Variants in NRG2 observed in about 807,000 individuals in gnomAD.
The protein encoded by NRG2 is pro-neuregulin-2, membrane-bound isoform.
NRG2 carries 27 observed loss-of-function variants against 73.9 expected under a neutral mutation model. The ratio of observed to expected loss-of-function variants is 0.37; its 90% confidence interval spans 0.27 to 0.50. The LOEUF (loss-of-function observed/expected upper bound fraction) is 0.50, where lower values mean the gene tolerates loss of function less well. Ranked by LOEUF, NRG2 falls within the 20% of genes least tolerant of loss-of-function variation. The pLI is 0.96. For synonymous variants in NRG2, 532 were observed against 541.0 expected (o/e 0.98, Z 0.23); for missense variants, 1,126 against 1,210.1 (o/e 0.93, Z 1.03).
chr5:139,986,589 A>G (rs1173415460), intron 1 of NRG2, among the ~76,000 whole-genome samples: 2 of 152,020 alleles, frequency 1.3e-5, no homozygotes, highest in African/African-American at 4.8e-5. Flanking sequence ...GACCATCTCA[A>G]CTGCACACCT....
rs10040473 is a variant in NRG2, at chr5:139,915,830, T to C, written c.701-28319A>G. Among the ~76,000 whole-genome samples, 1 of 152,298 alleles carries C rather than the reference T, an allele frequency of 6.6e-6. No individual in the cohort carries two copies. Among genetic ancestry groups the C allele is most frequent in the Middle Eastern group, 3.4e-3 (1 of 294 alleles). On this transcript the variant is annotated intron_variant, in intron 1 of 9. Coordinates refer to ENST00000361474, the MANE Select transcript of NRG2 (RefSeq NM_004883.3). This position sits in a 1 kb window ranked among gnomAD's most constrained non-coding sequence, Gnocchi z 4.0. ...GTACAGGAGATGCTTTCCTGGAATA[T>C]GGGACAGCCTGGCAATGACACTGAG...
intron 1 of NRG2, among the ~76,000 whole-genome samples, chr5:139,958,074 C>A (rs1284423754): frequency 1.3e-5 from 2 of 152,070 alleles, no homozygotes; most frequent in Non-Finnish European, 2.9e-5. Context: ...GGGACAAGGA[C>A]CCCAAATATA....
intron 1 of NRG2, among the ~76,000 whole-genome samples, chr5:139,907,418 C>T (rs1765303424): frequency 6.6e-6 from 1 of 152,102 alleles, no homozygotes; most frequent in South Asian, 2.1e-4. Flanking sequence ...CAGTAAAAGC[C>T]CCTTTGGGAT....
chr5:139,904,201 G>A lies in NRG2; in HGVS notation c.701-16690C>T, dbSNP rs1389294477. 4.3e-6 allele frequency: 5 copies of A among 1,173,768 alleles called. No homozygotes were observed. The Admixed American group carries it at 1.5e-4, about 36-fold the overall frequency. 72.7% of individuals were successfully genotyped at this position (1,173,768 alleles called of 1,614,324 possible). Reference sequence around the variant, plus strand: ...GCCCTCGGTGCCTGTCACCGCGGCGGCCGCTAGCGCAGCCTAGACTCACCC... The same window carrying A: ...GCCCTCGGTGCCTGTCACCGCGGCGACCGCTAGCGCAGCCTAGACTCACCC... On this transcript the variant is annotated intron_variant, in intron 1 of 9. Coordinates refer to ENST00000361474, the MANE Select transcript of NRG2 (RefSeq NM_004883.3). This position sits in a 1 kb window ranked among gnomAD's most constrained non-coding sequence, Gnocchi z 6.0.
At chr5:139,876,929 G>C (rs1435945628) in intron 3 of NRG2, among the ~76,000 whole-genome samples, 3 of 103,898 alleles carry the variant, frequency 2.9e-5, no homozygotes, top group East Asian at 5.1e-4. Context: ...GTGCATCTGT[G>C]TGTGTGTGTG....
At chr5:139,907,913 C>T (rs1309783245) in intron 1 of NRG2, among the ~76,000 whole-genome samples, 6 of 152,240 alleles carry the variant, frequency 3.9e-5, no homozygotes, top group Admixed American at 1.3e-4. Flanking sequence ...AAAACACTTA[C>T]GGGACACGTA....
chr5:140,003,027 G>A (rs1353546110), intron 1 of NRG2, among the ~76,000 whole-genome samples: 2 of 152,164 alleles, frequency 1.3e-5, no homozygotes, highest in African/African-American at 2.4e-5. Flanking sequence ...AAGATTACAA[G>A]AGACATCCAG....
Position 139,848,294 on chromosome 5 carries a change from G to C in NRG2, c.2176C>G (p.Arg726Gly). The change falls in exon 10 of 10, where the codon CGG (arginine) becomes GGG (glycine). Residue 726 changes from arginine (R) to glycine (G), a missense_variant. Arg to Gly is a moderately radical substitution (Grantham distance 125). This residue lies in a region of NRG2 where 402 missense variants were observed against 357.8 expected (regional missense o/e 1.12). Transcript: ENST00000361474. ...TQECAPPPPP[R>G]PRARGASRRT... ...CGGGACGCACCGCGCGCGCGCGGCCGCGGCGGCGGCGGGGGCGCGCACTCC... is the reference window on the plus strand; with the variant it reads ...CGGGACGCACCGCGCGCGCGCGGCCCCGGCGGCGGCGGGGGCGCGCACTCC... The C allele has an allele frequency of 8.8e-7, 1 of 1,132,240 alleles. No individual in the cohort carries two copies. Among genetic ancestry groups the C allele is most frequent in the Non-Finnish European group, 1.1e-6 (1 of 924,356 alleles). The allele number at this position is 1,132,240 out of a possible 1,614,324, so 70.1% of individuals were successfully genotyped here.
intron 1 of NRG2, among the ~76,000 whole-genome samples, chr5:139,976,992 T>C (rs1267316507): frequency 6.6e-6 from 1 of 152,186 alleles, no homozygotes; most frequent in Non-Finnish European, 1.5e-5. Flanking sequence ...TAGATAATAA[T>C]GGTGCCAACT....
intron 1 of NRG2, among the ~76,000 whole-genome samples, chr5:139,964,701 C>T (rs1436929980): frequency 6.6e-6 from 1 of 152,216 alleles, no homozygotes; most frequent in Non-Finnish European, 1.5e-5. Flanking sequence ...TCAAAGCTGA[C>T]AGGGCCTCTA....
Position 139,875,396 on chromosome 5 carries a change from A to G in NRG2, c.992-3555T>C, listed in dbSNP as rs1449671137. On this transcript the variant is annotated intron_variant, in intron 3 of 9. Transcript: ENST00000361474. ...GCCATGTCTGACATGTTTACCCTGA[A>G]CCCCAATGTCCAGCATGGTGCCTGG... Among the ~76,000 whole-genome samples the G allele has an allele frequency of 2.0e-5, 3 of 152,138 alleles. No homozygotes were observed. The East Asian group carries it at 5.8e-4, about 29-fold the overall frequency.
rs536186629 is a variant in NRG2 at position 140,023,039 on chromosome 5, T to A, written c.700+19331A>T. ...CCAGTTTCCCTGGCTTCTAGGACTT[T>A]ATAACCCCCTCATTGATCTCCAGAA... On this transcript the variant is annotated intron_variant, in intron 1 of 9. Coordinates refer to ENST00000361474, the MANE Select transcript of NRG2 (RefSeq NM_004883.3). Among the ~76,000 whole-genome samples the A allele has an allele frequency of 1.6e-4, 25 of 152,340 alleles. No individual in the cohort carries two copies. The East Asian group carries it at 4.8e-3, about 29-fold the overall frequency.
At position 140,004,997 on chromosome 5, in the gene NRG2, A is replaced by T. The variant is rs185632525; in HGVS notation, c.700+37373T>A. 8.9e-4 allele frequency among the ~76,000 whole-genome samples: 136 copies of T among 152,348 alleles called. 2 individuals are homozygous for T. The highest frequency in any genetic ancestry group is 5.3e-4 in the Non-Finnish European group (36 of 68,036). ...TTTAAAAAGAAAGATTAAGTCTTTA[A>T]ATCTACCATTGATTAAACACCATTC... On this transcript the variant is annotated intron_variant, in intron 1 of 9. Coordinates refer to ENST00000361474, the MANE Select transcript of NRG2 (RefSeq NM_004883.3).
At chr5:139,960,214 G>C (rs1580821252) in intron 1 of NRG2, among the ~76,000 whole-genome samples, 1 of 152,260 alleles carries the variant, frequency 6.6e-6, no homozygotes, top group East Asian at 1.9e-4. Context: ...ATAATATTAT[G>C]GTTAAAATTA....
At chr5:139,973,072 A>G (rs1029248859) in intron 1 of NRG2, among the ~76,000 whole-genome samples, 2 of 151,350 alleles carry the variant, frequency 1.3e-5, no homozygotes, top group African/African-American at 2.4e-5. Context: ...GAACTTGGCA[A>G]TAAGTATCAA....
At chr5:139,970,711 G>A (rs1434088034) in intron 1 of NRG2, among the ~76,000 whole-genome samples, 1 of 152,226 alleles carries the variant, frequency 6.6e-6, no homozygotes, top group African/African-American at 2.4e-5. Flanking sequence ...AAGAGAAGAA[G>A]TGGCCTGTGG....
At chr5:139,980,264 G>T (rs977021998) in intron 1 of NRG2, among the ~76,000 whole-genome samples, 3 of 151,862 alleles carry the variant, frequency 2.0e-5, no homozygotes, top group Non-Finnish European at 2.9e-5. Context: ...AAACGGAGGG[G>T]CCCTGCTTCA....
At chr5:140,011,336 T>C (rs1036528943) in intron 1 of NRG2, among the ~76,000 whole-genome samples, 1 of 152,212 alleles carries the variant, frequency 6.6e-6, no homozygotes, top group Non-Finnish European at 1.5e-5. Flanking sequence ...GGGATTATGG[T>C]AGGCAGCCTC....
rs1761200394 is a variant in NRG2, at chr5:139,848,703, G to T, written c.1773-6C>A. On this transcript the variant is annotated splice_region_variant and splice_polypyrimidine_tract_variant and intron_variant, in intron 9 of 9. Coordinates refer to ENST00000361474, the MANE Select transcript of NRG2 (RefSeq NM_004883.3). The stretch of plus-strand genomic sequence containing the variant: ...TGGTCAGGGCCGACACGTACCTGCG[G>T]GGAGAGGCAGAGGCATGGGCCAGGG... 2.0e-6 allele frequency: 3 copies of T among 1,512,810 alleles called. No individual in the cohort carries two copies. Among genetic ancestry groups the T allele is most frequent in the South Asian group, 2.4e-5 (2 of 82,232 alleles). The allele number at this position is 1,512,810 out of a possible 1,614,324, so 93.7% of individuals were successfully genotyped here.
Sources: allele counts gnomAD v4.1 joint callset (sites outside exome capture counted in the v4.1 genomes callset), GRCh38; gene constraint gnomAD v4.1.1; regional missense constraint gnomAD v4.1.1; non-coding constraint Gnocchi (gnomAD v3.1); transcripts MANE v1.5; gene names NCBI Gene and HGNC (gene_info 2026-07-23, HGNC 2026-07-21).